Variants in LRRC17 observed in about 807,000 individuals in gnomAD.
LRRC17 encodes the protein leucine-rich repeat-containing protein 17.
LRRC17 carries 33 observed loss-of-function variants against 41.5 expected under a neutral mutation model. The ratio of observed to expected loss-of-function variants is 0.80; its 90% CI spans 0.60 to 1.06. The LOEUF (loss-of-function observed/expected upper bound fraction) is 1.06. LRRC17 is among the 50% of genes least tolerant of loss of function. The pLI is 0.00. For synonymous variants in LRRC17, 192 were observed against 197.0 expected, an observed-to-expected ratio of 0.97 and a Z score of 0.21; for missense variants, 491 against 519.3, an observed-to-expected ratio of 0.95 and a Z score of 0.53.
At chr7:102,928,611 C>T (rs79965681) in intron 1 of LRRC17, among the ~76,000 whole-genome samples, 7,974 of 152,194 alleles carry the variant, frequency 0.052, 279 homozygotes, top group South Asian at 0.13. Flanking sequence ...ATTAGAGGGC[C>T]AAACTCAAAG....
chr7:102,921,818 G>A (rs1229493350), intron 1 of LRRC17, among the ~76,000 whole-genome samples: 2 of 152,174 alleles, frequency 1.3e-5, no homozygotes, highest in Non-Finnish European at 2.9e-5. Flanking sequence ...CACATTTCTT[G>A]ACTAGAGTGC....
intron 1 of LRRC17, among the ~76,000 whole-genome samples, chr7:102,921,310 A>G (rs1447711620): frequency 6.6e-6 from 1 of 152,252 alleles, no homozygotes; most frequent in Non-Finnish European, 1.5e-5. Flanking sequence ...TGATCATAAT[A>G]GGCAACTAAT....
chr7:102,924,177 G>A (rs1383688655), intron 1 of LRRC17, among the ~76,000 whole-genome samples: 1 of 151,432 alleles, frequency 6.6e-6, no homozygotes, highest in Non-Finnish European at 1.5e-5. Context: ...GGCGAAGGTT[G>A]CGGTGAGCTG....
intron 1 of LRRC17, among the ~76,000 whole-genome samples, chr7:102,914,938 C>A (rs1815533019): frequency 6.6e-6 from 1 of 152,116 alleles, no homozygotes; most frequent in African/African-American, 2.4e-5. Flanking sequence ...GGTGTCATTT[C>A]TAGCAATCCT....
At chr7:102,913,364 T>C in intron 1 of LRRC17, 3 of 884,106 alleles carry the variant, frequency 3.4e-6, no homozygotes, top group Non-Finnish European at 5.1e-6. Context: ...TCTCTACCTG[T>C]TAATTAAAGG....
At chr7:102,936,494 T>C (rs1820338851) in intron 2 of LRRC17, among the ~76,000 whole-genome samples, 1 of 152,232 alleles carries the variant, frequency 6.6e-6, no homozygotes, top group African/African-American at 2.4e-5. Context: ...AGTTTTTCTA[T>C]AGCCAGAGTG....
chr7:102,922,532 G>A (rs538624100), intron 1 of LRRC17, among the ~76,000 whole-genome samples: 1 of 152,218 alleles, frequency 6.6e-6, no homozygotes, highest in African/African-American at 2.4e-5. Context: ...GGATATAAAG[G>A]ATGTGTAGCA....
At chr7:102,914,342 G>A (rs554064686) in intron 1 of LRRC17, among the ~76,000 whole-genome samples, 4 of 152,310 alleles carry the variant, frequency 2.6e-5, no homozygotes, top group East Asian at 1.9e-4. Context: ...CAAAGTGCTC[G>A]GAACAGGCAT....
chr7:102,924,522 T>A (rs1817681551), intron 1 of LRRC17, among the ~76,000 whole-genome samples: 2 of 152,126 alleles, frequency 1.3e-5, no homozygotes, highest in Admixed American at 1.3e-4. Flanking sequence ...ATGTGACAGC[T>A]TAATTAGTGG....
intron 2 of LRRC17, among the ~76,000 whole-genome samples, chr7:102,935,181 T>C (rs1820044630): frequency 6.6e-6 from 1 of 151,126 alleles, no homozygotes; most frequent in South Asian, 2.1e-4. Context: ...GTATTTCTTA[T>C]CATTTAGTCC....
Position 102,944,765 on chromosome 7 carries a change from A to T in LRRC17, c.*158A>T. 1 of 633,268 alleles carries T rather than the reference A, an allele frequency of 1.6e-6. No homozygotes were observed. The highest frequency in any genetic ancestry group is 2.6e-6 in the Non-Finnish European group (1 of 388,270). 39.2% of individuals were successfully genotyped at this position (633,268 alleles called of 1,614,324 possible). ...TAAGTATTATTGTGACTATTATAGT[A>T]ATCAAGAGAATGCTATCATCCTGCT... On this transcript the variant is annotated 3_prime_UTR_variant, in exon 4 of 4. Transcript: ENST00000339431.
chr7:102,938,379 AT>A (rs1339363528), intron 2 of LRRC17, among the ~76,000 whole-genome samples: 1 of 152,186 alleles, frequency 6.6e-6, no homozygotes. Flanking sequence ...AGGGCCATTT[AT>A]GTCTCTTTTC....
chr7:102,926,535 T>C (rs1259788960), intron 1 of LRRC17, among the ~76,000 whole-genome samples: 1 of 152,228 alleles, frequency 6.6e-6, no homozygotes, highest in Non-Finnish European at 1.5e-5. Context: ...TGAAATTAAA[T>C]AGAAGCCAAT....
chr7:102,931,597 T>G (rs541679636), intron 1 of LRRC17, among the ~76,000 whole-genome samples: 1 of 152,294 alleles, frequency 6.6e-6, no homozygotes, highest in African/African-American at 2.4e-5. Flanking sequence ...GGCCCAATTT[T>G]TTTCTGTCTC....
rs762642150 is a variant in LRRC17 at position 102,934,014 on chromosome 7, G to C, written c.101G>C (p.Arg34Pro). ...GSVRSRVNHG[R>P]AGGGRRGSNP... ...GTGAGAAGCCGAGTGAATCATGGCC[G>C]GGCGGGTGGAGGCCGGAGAGGCTCC... The change falls in exon 2 of 4, where the codon CGG becomes CCG. Residue 34 changes from arginine to proline, a missense_variant. Coordinates refer to ENST00000339431, the MANE Select transcript of LRRC17 (RefSeq NM_001031692.3). The C allele has an allele frequency of 9.3e-6, 15 of 1,614,074 alleles. No individual in the cohort carries two copies. The highest frequency in any genetic ancestry group is 1.2e-5 in the Non-Finnish European group (14 of 1,179,948).
chr7:102,917,603 A>G (rs925469433), intron 1 of LRRC17, among the ~76,000 whole-genome samples: 6 of 152,254 alleles, frequency 3.9e-5, no homozygotes, highest in Non-Finnish European at 7.3e-5. Flanking sequence ...TGCAGCAATC[A>G]GATGACTGGA....
At chr7:102,935,361 C>G (rs992070870) in intron 2 of LRRC17, among the ~76,000 whole-genome samples, 1 of 149,662 alleles carries the variant, frequency 6.7e-6, no homozygotes, top group African/African-American at 2.5e-5. Context: ...GAGCACTTCT[C>G]CTGCCTCAGC....
At chr7:102,927,417 C>A (rs2129472237) in intron 1 of LRRC17, among the ~76,000 whole-genome samples, 1 of 152,252 alleles carries the variant, frequency 6.6e-6, no homozygotes, top group African/African-American at 2.4e-5. Flanking sequence ...GAAATATGAC[C>A]ACTCCTAACA....
intron 3 of LRRC17, among the ~76,000 whole-genome samples, chr7:102,942,569 T>A (rs1406639224): frequency 1.3e-5 from 2 of 152,214 alleles, no homozygotes; most frequent in African/African-American, 4.8e-5. Flanking sequence ...TGTTTACATA[T>A]GCTTTTAATC....
Sources: allele counts gnomAD v4.1 joint callset (sites outside exome capture counted in the v4.1 genomes callset), GRCh38; gene constraint gnomAD v4.1.1; transcripts MANE v1.5; gene names NCBI Gene and HGNC (gene_info 2026-07-23, HGNC 2026-07-21).